Variants in ZNF853 observed in about 807,000 individuals in gnomAD.
ZNF853 encodes the protein zinc finger protein 853.
A neutral mutation model predicts 94.7 loss-of-function variants in ZNF853; 57 were observed. That is an observed-to-expected ratio of 0.60 (90% confidence interval 0.49 to 0.75). The LOEUF is 0.75. Among genes scored for constraint, ZNF853 ranks in the 30% least tolerant of loss-of-function variants. The probability of loss-of-function intolerance (pLI) is 0.00; values close to 1 mark genes in which losing one functional copy is unlikely to be tolerated. For synonymous variants in ZNF853, 448 were observed against 406.3 expected, an observed-to-expected ratio of 1.10 and a Z score of -1.23; for missense variants, 785 against 868.9, an observed-to-expected ratio of 0.90 and a Z score of 1.21.
At position 6,621,379 on chromosome 7, in the gene ZNF853, C is replaced by G. The variant is rs1485187374; in HGVS notation, c.388C>G (p.Leu130Val). Residue 130 changes from leucine (L) to valine (V), a missense_variant, in exon 3 of 3, where the codon CTA becomes GTA. Coordinates refer to ENST00000457543, the MANE Select transcript of ZNF853 (RefSeq NM_017560.3). ...GCCGCAGCAAGATGGGCAACAACAG[C>G]TATCTCAACTACAACAGGAAAAACA... ...QQPQQDGQQQ[L>V]SQLQQEKHQS... is the part of the protein sequence containing the mutation. The G allele has an allele frequency of 6.4e-7, 1 of 1,551,752 alleles. No homozygotes were observed. The highest frequency in any genetic ancestry group is 1.2e-5 in the South Asian group (1 of 84,064).
At chr7:6,617,014 C>G in intron 1 of ZNF853, among the ~76,000 whole-genome samples, 176 bp from the exon 2 acceptor site, 1 of 152,184 alleles carries the variant, frequency 6.6e-6, no homozygotes, top group African/African-American at 2.4e-5. Flanking sequence ...AGCCTCCAGG[C>G]CGCCGGCACT....
chr7:6,623,639 C>T lies in ZNF853; in HGVS notation c.*668C>T, dbSNP rs1782689548. On this transcript the variant is annotated 3_prime_UTR_variant, in exon 3 of 3. Coordinates refer to ENST00000457543, the MANE Select transcript of ZNF853 (RefSeq NM_017560.3). Reference sequence around the variant, plus strand: ...TCCTGCTCCGGGTGGAAGGTAAAACCTTCCCTCCAGGGAACCAGGGGCTCC... The same window carrying T: ...TCCTGCTCCGGGTGGAAGGTAAAACTTTCCCTCCAGGGAACCAGGGGCTCC... 1 of 300,258 alleles carries T rather than the reference C, an allele frequency of 3.3e-6. No individual in the cohort carries two copies. Among genetic ancestry groups the T allele is most frequent in the Non-Finnish European group, 6.1e-6 (1 of 164,388 alleles). 18.6% of individuals were successfully genotyped at this position (300,258 alleles called of 1,614,324 possible). A position where few individuals can be genotyped will look rare whatever the true frequency, so the allele number is the denominator to read the frequency against.
At chr7:6,616,573 A>G in intron 1 of ZNF853, among the ~76,000 whole-genome samples, 21,134 of 151,876 alleles carry the variant, frequency 0.14, 2,247 homozygotes, top group East Asian at 0.47. Context: ...TACAATATAA[A>G]AAAACATAAA....
rs1306024265 is a variant in ZNF853 at position 6,615,685 on chromosome 7, C to G, written c.-490C>G. The stretch of plus-strand genomic sequence containing the variant: ...CGAGCCCAGGGGGACCCGGCCTTGC[C>G]GCGGCGCCCGCCCCGCCCCCGCCCC... On this transcript the variant is annotated 5_prime_UTR_variant, in exon 1 of 3. Transcript: ENST00000457543. The surrounding 1 kb of genome is among the most constrained non-coding windows in gnomAD (Gnocchi z 8.5). The G allele has an allele frequency of 6.2e-5, 9 of 145,202 alleles. No homozygotes were observed. The highest frequency in any genetic ancestry group is 6.1e-4 in the Admixed American group (9 of 14,652). The allele number at this position is 145,202 out of a possible 1,614,324, so 9.0% of individuals were successfully genotyped here. A position where few individuals can be genotyped will look rare whatever the true frequency, so the allele number is the denominator to read the frequency against.
At chr7:6,621,008 C>G in intron 2 of ZNF853, 114 bp from the exon 3 acceptor site, 1 of 1,331,038 alleles carries the variant, frequency 7.5e-7, no homozygotes, top group Non-Finnish European at 9.9e-7. Context: ...CGGGCTCCTG[C>G]TAAGAGCGTG....
At chr7:6,619,364 C>A in intron 2 of ZNF853, among the ~76,000 whole-genome samples, 1 of 151,866 alleles carries the variant, frequency 6.6e-6, no homozygotes, top group Non-Finnish European at 1.5e-5. Flanking sequence ...CTCTGCCTTT[C>A]AGGTTCAAGT....
At chr7:6,621,013 A>G in intron 2 of ZNF853, 109 bp from the exon 3 acceptor site, 1 of 1,347,768 alleles carries the variant, frequency 7.4e-7, no homozygotes, top group Non-Finnish European at 9.8e-7. Context: ...TCCTGCTAAG[A>G]GCGTGTTAGT....
chr7:6,617,772 C>T, intron 2 of ZNF853: 1 of 416,054 alleles, frequency 2.4e-6, no homozygotes, highest in African/African-American at 2.2e-5. Flanking sequence ...CCTCTGCTTG[C>T]ATCTGTTTTT....
At chr7:6,620,075 C>T in intron 2 of ZNF853, among the ~76,000 whole-genome samples, 4 of 152,140 alleles carry the variant, frequency 2.6e-5, no homozygotes, top group African/African-American at 7.2e-5. Context: ...CCTTGTTGTA[C>T]TGTTTAAGCA....
intron 1 of ZNF853, among the ~76,000 whole-genome samples, chr7:6,616,893 G>A: frequency 6.6e-6 from 1 of 152,254 alleles, no homozygotes; most frequent in East Asian, 1.9e-4. Context: ...CCACAGTTGT[G>A]TCTCTGTGGG....
chr7:6,617,427 T>C, intron 2 of ZNF853, 120 bp downstream of exon 2: 1 of 945,604 alleles, frequency 1.1e-6, no homozygotes, highest in Non-Finnish European at 1.5e-6. Flanking sequence ...CTGCATTGAG[T>C]AACACCAGCA....
In ZNF853 at chr7:6,616,129, C is replaced by G; in HGVS notation, c.-46C>G. On this transcript the variant is annotated 5_prime_UTR_variant, in exon 1 of 3. Transcript: ENST00000457543. ...CGCCGTGGCCTTCACCTCGCAGCCT[C>G]TGCTGACCACACCTCCCTAGCGCAG... is the stretch of plus-strand genomic sequence containing the variant. 1 of 1,540,950 alleles carries G rather than the reference C, an allele frequency of 6.5e-7. No individual in the cohort carries two copies. The highest frequency in any genetic ancestry group is 8.8e-7 in the Non-Finnish European group (1 of 1,140,984).
chr7:6,618,098 G>A, intron 2 of ZNF853, among the ~76,000 whole-genome samples: 1 of 151,938 alleles, frequency 6.6e-6, no homozygotes, highest in Non-Finnish European at 1.5e-5. Context: ...CCAGGAGTTT[G>A]AGACCAGCCT....
Position 6,616,058 on chromosome 7 carries a change from C to T in ZNF853, c.-117C>T, listed in dbSNP as rs1012162952. On this transcript the variant is annotated 5_prime_UTR_variant, in exon 1 of 3. Transcript: ENST00000457543. Reference sequence around the variant, plus strand: ...AAGCCCCCGGGGTGGCCCTGCGCCTCCTGGCTCTTTCTGGATGGAGGCGCC... The same window carrying T: ...AAGCCCCCGGGGTGGCCCTGCGCCTTCTGGCTCTTTCTGGATGGAGGCGCC... 17 of 1,053,552 alleles carry T rather than the reference C, an allele frequency of 1.6e-5. No homozygotes were observed. In the East Asian group the frequency reaches 2.2e-4, roughly 13 times the overall value. The allele number at this position is 1,053,552 out of a possible 1,614,324, so 65.3% of individuals were successfully genotyped here.
At chr7:6,620,205 G>T in intron 2 of ZNF853, among the ~76,000 whole-genome samples, 1 of 152,126 alleles carries the variant, frequency 6.6e-6, no homozygotes, top group South Asian at 2.1e-4. Context: ...GAAACCTAGT[G>T]GTCTCTCTGA....
At chr7:6,620,006 C>T in intron 2 of ZNF853, among the ~76,000 whole-genome samples, 2 of 152,222 alleles carry the variant, frequency 1.3e-5, no homozygotes, top group Non-Finnish European at 2.9e-5. Context: ...CAATCCTAAC[C>T]TTCAGAGAGA....
intron 1 of ZNF853, among the ~76,000 whole-genome samples, chr7:6,616,958 A>G: frequency 1.3e-5 from 2 of 152,086 alleles, no homozygotes; most frequent in African/African-American, 4.8e-5. Flanking sequence ...TCCTGCCTCT[A>G]TGCAGGTGAC....
chr7:6,617,405 A>G, intron 2 of ZNF853, 98 bp downstream of exon 2: 1 of 1,005,544 alleles, frequency 9.9e-7, no homozygotes, highest in East Asian at 3.1e-5. Flanking sequence ...GACTCACACC[A>G]GCCAACCTCA....
rs748872045 is a variant in ZNF853 at position 6,621,696 on chromosome 7, ACAG to A, written c.719_721del (p.Gln240del). 34 of 1,551,158 alleles carry A rather than the reference ACAG, an allele frequency of 2.2e-5. No individual in the cohort carries two copies. The highest frequency in any genetic ancestry group is 2.7e-5 in the Non-Finnish European group (31 of 1,146,968). ...AGTTTCAACAGCAGCAGGAACAGTTACAGCAGCAGCAGCAGCTACTATTGCTGC... is the reference window on the plus strand; with the variant it reads ...AGTTTCAACAGCAGCAGGAACAGTTACAGCAGCAGCAGCTACTATTGCTGC... On this transcript the variant is annotated inframe_deletion, in exon 3 of 3. Coordinates refer to ENST00000457543, the MANE Select transcript of ZNF853 (RefSeq NM_017560.3).
Sources: gnomAD v4.1 joint callset for allele counts (sites outside exome capture counted in the v4.1 genomes callset) on GRCh38, gnomAD v4.1.1 for gene constraint, Gnocchi (gnomAD v3.1) non-coding constraint, MANE v1.5 for transcripts, NCBI Gene and HGNC (gene_info 2026-07-23, HGNC 2026-07-21) for gene names.